The following DDX60L variants were observed in gnomAD, a reference collection of about 807,000 sequenced individuals.
The protein encoded by DDX60L is probable ATP-dependent RNA helicase DDX60-like.
A neutral mutation model predicts 211.6 loss-of-function variants in DDX60L; 191 were observed. The observed-to-expected ratio is 0.90, with a 90% confidence interval of 0.80 to 1.02. DDX60L has a LOEUF of 1.02. Ranked by LOEUF, DDX60L falls within the 50% of genes least tolerant of loss-of-function variation. The pLI is 0.00. For synonymous variants in DDX60L, 706 were observed against 694.1 expected, an observed-to-expected ratio of 1.02 and a Z score of -0.27; for missense variants, 2,007 against 1,984.1, an observed-to-expected ratio of 1.01 and a Z score of -0.22.
At chr4:168,395,841 G>T in intron 27 of DDX60L, 118 bp downstream of exon 27, 1 of 725,276 alleles carries the variant, frequency 1.4e-6, no homozygotes, top group African/African-American at 1.8e-5. Context: ...ATCACACACA[G>T]AGATAATCAT....
chr4:168,401,263 T>C (rs1245238698), intron 25 of DDX60L, among the ~76,000 whole-genome samples: 1 of 152,066 alleles, frequency 6.6e-6, no homozygotes, highest in Non-Finnish European at 1.5e-5. Context: ...TTCATGTGCC[T>C]GGTAAAACTC....
At chr4:168,398,015 T>C (rs918390376) in intron 26 of DDX60L, among the ~76,000 whole-genome samples, 1 of 151,924 alleles carries the variant, frequency 6.6e-6, no homozygotes, top group African/African-American at 2.4e-5. Flanking sequence ...GACCCGGGCC[T>C]CCCCGTGCAC....
intron 36 of DDX60L, among the ~76,000 whole-genome samples, chr4:168,367,010 A>G (rs1283945304): frequency 6.6e-6 from 1 of 151,966 alleles, no homozygotes; most frequent in African/African-American, 2.4e-5. Flanking sequence ...TTAATATGTT[A>G]ATAACATATT....
At position 168,393,731 on chromosome 4, in the gene DDX60L, CA is replaced by C. The variant is rs555588036; in HGVS notation, c.3810+733del. ...CTGTCTAAAACATGTTAGTCTAGTG[CA>C]AGTTTTTTCCAATTCTTAAAAAAGA... On this transcript the variant is annotated intron_variant, in intron 28 of 37. Coordinates refer to ENST00000682922, the MANE Select transcript of DDX60L (RefSeq NM_001012967.3). 3.9e-5 allele frequency among the ~76,000 whole-genome samples: 6 copies of C among 152,256 alleles called. No individual in the cohort carries two copies. In the South Asian group the frequency reaches 1.2e-3, roughly 32 times the overall value.
At chr4:168,395,886 C>A in intron 27 of DDX60L, 73 bp downstream of exon 27, 1 of 1,039,824 alleles carries the variant, frequency 9.6e-7, no homozygotes, top group South Asian at 1.4e-5. Context: ...TTTCAGTGTT[C>A]AAAGATATTA....
intron 1 of DDX60L, chr4:168,475,944 T>C (rs1405962170): frequency 6.9e-6 from 1 of 144,476 alleles, no homozygotes; most frequent in Non-Finnish European, 1.5e-5. Context: ...ACTCTCTCTC[T>C]CAGAACACAG....
chr4:168,383,050 A>G (rs940629993), intron 30 of DDX60L, among the ~76,000 whole-genome samples: 1 of 152,182 alleles, frequency 6.6e-6, no homozygotes, highest in Non-Finnish European at 1.5e-5. Flanking sequence ...TAATTGCCTT[A>G]TTAAAGTTAA....
At chr4:168,417,600 A>G (rs1749779891) in intron 19 of DDX60L, among the ~76,000 whole-genome samples, 1 of 152,104 alleles carries the variant, frequency 6.6e-6, no homozygotes, top group Non-Finnish European at 1.5e-5. Context: ...TTGTATCACA[A>G]TGTTTACTTA....
chr4:168,432,923 T>C, intron 11 of DDX60L, 87 bp downstream of exon 11: 3 of 767,664 alleles, frequency 3.9e-6, no homozygotes, highest in South Asian at 1.9e-5. Context: ...TGATATGATA[T>C]ATTACATAGA....
chr4:168,399,740 A>G (rs1746461263), intron 26 of DDX60L, among the ~76,000 whole-genome samples: 1 of 152,176 alleles, frequency 6.6e-6, no homozygotes, highest in Non-Finnish European at 1.5e-5. Flanking sequence ...TATTTTGACC[A>G]TGGAACTGTC....
rs1758804572 is a variant in DDX60L at position 168,471,721 on chromosome 4, A to C, written c.264+26T>G. The C allele has an allele frequency of 3.2e-6, 5 of 1,559,200 alleles. No individual in the cohort carries two copies. In the African/African-American group the frequency reaches 6.9e-5, roughly 22 times the overall value. ...TTCAGTTATAGTCTTCAAAGGACTA[A>C]AACGACATCAATCATCATATATTAC... On this transcript the variant is annotated intron_variant, in intron 4 of 37. Coordinates refer to ENST00000682922, the MANE Select transcript of DDX60L (RefSeq NM_001012967.3).
At chr4:168,462,680 G>A (rs1421427959) in intron 4 of DDX60L, among the ~76,000 whole-genome samples, 2 of 152,132 alleles carry the variant, frequency 1.3e-5, no homozygotes, top group Non-Finnish European at 2.9e-5. Flanking sequence ...GGGCGCAGTG[G>A]TGGGTGCCTG....
chr4:168,455,272 T>TTGTGTGTGTGTGTGTGTGTGTGTGTG (rs34353821), intron 7 of DDX60L, among the ~76,000 whole-genome samples: 1 of 144,182 alleles, frequency 6.9e-6, no homozygotes, highest in Non-Finnish European at 1.5e-5. Context: ...CATACAAACT[T>TTGTGTGTGTGTGTGTGTGTGTGTGTG]TGTGTGTGTG....
At chr4:168,447,640 A>G (rs1755024015) in intron 9 of DDX60L, among the ~76,000 whole-genome samples, 1 of 151,866 alleles carries the variant, frequency 6.6e-6, no homozygotes, top group Admixed American at 6.6e-5. Context: ...ATGTCCAACA[A>G]TGATAGACTG....
rs1044216822 is a variant in DDX60L, at chr4:168,441,537, T to C, written c.1139-45A>G. The C allele has an allele frequency of 6.1e-6, 9 of 1,471,312 alleles. No individual in the cohort carries two copies. In the South Asian group the frequency reaches 7.5e-5, roughly 12 times the overall value. The allele number at this position is 1,471,312 out of a possible 1,614,324, so 91.1% of individuals were successfully genotyped here. A position where few individuals can be genotyped will look rare whatever the true frequency, so the allele number is the denominator to read the frequency against. On this transcript the variant is annotated intron_variant, in intron 9 of 37. Coordinates refer to ENST00000682922, the MANE Select transcript of DDX60L (RefSeq NM_001012967.3). ...ATTAAAATCTCAAAAGTCATACACA[T>C]GCAGACACACACAGAGCATCTTTTT...
At chr4:168,416,903 C>T in intron 19 of DDX60L, 106 bp from the exon 20 acceptor site, 1 of 579,850 alleles carries the variant, frequency 1.7e-6, no homozygotes, top group Non-Finnish European at 3.0e-6. Context: ...TATAAATGAC[C>T]TAACCTAAAT....
At chr4:168,362,326 C>T (rs79533217) in intron 36 of DDX60L, among the ~76,000 whole-genome samples, 7,084 of 152,166 alleles carry the variant, frequency 0.047, 221 homozygotes, top group Non-Finnish European at 0.071. Flanking sequence ...AACAGCAGCC[C>T]GACCTCCCCA....
intron 1 of DDX60L, among the ~76,000 whole-genome samples, chr4:168,478,717 C>A (rs897602060): frequency 6.6e-6 from 1 of 152,184 alleles, no homozygotes; most frequent in Non-Finnish European, 1.5e-5. Context: ...AGAAGTATTT[C>A]TTTCACAGGG....
intron 22 of DDX60L, among the ~76,000 whole-genome samples, chr4:168,410,607 A>G (rs1489661024): frequency 6.6e-6 from 1 of 152,256 alleles, no homozygotes; most frequent in Admixed American, 6.5e-5. Flanking sequence ...GGCTAATGTC[A>G]TTATATCTTC....
Sources: allele counts gnomAD v4.1 joint callset (sites outside exome capture counted in the v4.1 genomes callset), GRCh38; gene constraint gnomAD v4.1.1; transcripts MANE v1.5; gene names NCBI Gene and HGNC (gene_info 2026-07-23, HGNC 2026-07-21).